Variants in POLR3E observed in about 807,000 individuals in gnomAD.
POLR3E encodes DNA-directed RNA polymerase III subunit RPC5.
Under a neutral mutation model 96.6 loss-of-function variants are expected in POLR3E, and 41 were observed. The ratio of observed to expected loss-of-function variants is 0.42; its 90% CI spans 0.33 to 0.55. The LOEUF (loss-of-function observed/expected upper bound fraction) is 0.55, where lower values mean the gene tolerates loss of function less well. Ranked by LOEUF, POLR3E falls within the 20% of genes least tolerant of loss-of-function variation. The pLI is 0.06. For synonymous variants in POLR3E, 396 were observed against 383.6 expected (o/e 1.03, Z -0.38); for missense variants, 849 against 952.1 (o/e 0.89, Z 1.43).
At chr16:22,320,180 A>AT (rs889712060) in intron 13 of POLR3E, among the ~76,000 whole-genome samples, 6 of 152,006 alleles carry the variant, frequency 3.9e-5, no homozygotes, top group Non-Finnish European at 1.5e-5. Flanking sequence ...GTATATATAT[A>AT]TTTTTTTACC....
intron 1 of POLR3E, chr16:22,299,068 G>A (rs942418240): frequency 1.1e-5 from 5 of 456,078 alleles, no homozygotes; most frequent in Non-Finnish European, 2.2e-5. Flanking sequence ...ACCCACCAAG[G>A]AAAGAAAACA....
intron 8 of POLR3E, chr16:22,314,837 CGCCTGG>C: frequency 2.8e-6 from 1 of 351,884 alleles, no homozygotes; most frequent in Non-Finnish European, 5.3e-6. Flanking sequence ...CTGGCTCTGG[CGCCTGG>C]GACTCTAATC....
intron 13 of POLR3E, among the ~76,000 whole-genome samples, chr16:22,321,225 G>A (rs927937608): frequency 6.6e-6 from 1 of 152,140 alleles, no homozygotes; most frequent in African/African-American, 2.4e-5. Flanking sequence ...ATGTGGCTAC[G>A]TTTTACTTGA....
rs756881592 is a variant in POLR3E, at chr16:22,316,576, C to G, written c.643-25C>G. Reference sequence around the variant, plus strand: ...GCCAGGGCCATCAGCTGAGGCTCCTCTCACACCCTGCCCTCCTCCAACAGG... The same window carrying G: ...GCCAGGGCCATCAGCTGAGGCTCCTGTCACACCCTGCCCTCCTCCAACAGG... On this transcript the variant is annotated intron_variant, in intron 9 of 20. Transcript: ENST00000299853. The G allele has an allele frequency of 6.8e-5, 109 of 1,598,564 alleles. 2 individuals carry two copies. The South Asian group carries it at 1.2e-3, about 17-fold the overall frequency.
chr16:22,303,807 ATTTT>A (rs56737281), intron 2 of POLR3E, among the ~76,000 whole-genome samples: 1 of 110,792 alleles, frequency 9.0e-6, no homozygotes. Context: ...CGCCCGACTA[ATTTT>A]TTTTTTTTTT....
At chr16:22,325,459 C>T (rs935166577) in intron 17 of POLR3E, 193 bp downstream of exon 17, 21 of 622,622 alleles carry the variant, frequency 3.4e-5, no homozygotes, top group Middle Eastern at 4.3e-4. Context: ...GCCTCAGGGA[C>T]GGAGGCTTGC....
At chr16:22,302,335 T>A (rs1337906761) in intron 1 of POLR3E, 1 of 152,334 alleles carries the variant, frequency 6.6e-6, no homozygotes, top group African/African-American at 2.4e-5. Flanking sequence ...AGTTCCAGTC[T>A]GTTCATTATA....
Position 22,326,081 on chromosome 16 carries a change from C to A in POLR3E, c.1669C>A (p.Pro557Thr), listed in dbSNP as rs1228462761. 1 of 1,613,036 alleles carries A rather than the reference C, an allele frequency of 6.2e-7. No homozygotes were observed. The highest frequency in any genetic ancestry group is 1.3e-5 in the African/African-American group (1 of 74,914). The change falls in exon 18 of 21, where the codon CCT becomes ACT. Residue 557 changes from proline to threonine, a missense_variant. By Grantham distance (38) the Pro-to-Thr change is conservative. Coordinates refer to ENST00000299853, the MANE Select transcript of POLR3E (RefSeq NM_018119.4). ...CCCGCCCCAGGGCTGCGCCAGCACC[C>A]CTGTGGCTCGGGAACTGAAGGCCTT... The part of the protein sequence containing the change: ...GHPPQGCAST[P>T]VARELKAFVE...
Position 22,333,806 on chromosome 16 carries a change from G to GACC in POLR3E, c.*108_*110dup, listed in dbSNP as rs2048794070. The GACC allele has an allele frequency of 2.6e-6, 2 of 781,062 alleles. No individual in the cohort carries two copies. The highest frequency in any genetic ancestry group is 1.7e-5 in the African/African-American group (1 of 58,774). 48.4% of individuals were successfully genotyped at this position (781,062 alleles called of 1,614,324 possible). ...CAGACGACACAGAGCAAGAGGAACT[G>GACC]ACCATCTCATGACCTGTGGCATTGC... is the stretch of plus-strand genomic sequence containing the variant. On this transcript the variant is annotated 3_prime_UTR_variant, in exon 21 of 21. Transcript: ENST00000299853.
rs764660130 is a variant in POLR3E at position 22,325,892 on chromosome 16, G to A, written c.1480G>A (p.Gly494Ser). 37 of 1,608,042 alleles carry A rather than the reference G, an allele frequency of 2.3e-5. No homozygotes were observed. In the African/African-American group the frequency reaches 3.3e-4, roughly 15 times the overall value. Residue 494 changes from glycine (G) to serine (S), a missense_variant, in exon 18 of 21, where the codon GGT becomes AGT. Coordinates refer to ENST00000299853, the MANE Select transcript of POLR3E (RefSeq NM_018119.4). ...EQLRVPAVPP[G>S]VRIKEEPVSE... ...GCTGCGGGTGCCTGCGGTCCCGCCC[G>A]GTGTGCGGATCAAGGAGGAGCCCGT...
At position 22,315,113 on chromosome 16, in the gene POLR3E, G is replaced by A; in HGVS notation, c.547G>A (p.Glu183Lys). The A allele has an allele frequency of 6.2e-7, 1 of 1,613,498 alleles. No homozygotes were observed. The highest frequency in any genetic ancestry group is 8.5e-7 in the Non-Finnish European group (1 of 1,179,882). Residue 183 changes from glutamate to lysine, a missense_variant, in exon 9 of 21, where the codon GAG (glutamate) becomes AAG (lysine). Coordinates refer to ENST00000299853, the MANE Select transcript of POLR3E (RefSeq NM_018119.4). Reference protein sequence around the residue: ...ITVRFSRPESEQARQRRVQSY... With the variant: ...ITVRFSRPESKQARQRRVQSY... ...GGTGCGGTTCTCCCGGCCGGAGTCA[G>A]AGCAGGCCCGCCAGCGCCGTGTGCA...
Position 22,318,010 on chromosome 16 carries a change from G to C in POLR3E, c.865+804G>C, listed in dbSNP as rs962006176. Reference sequence around the variant, plus strand: ...AGAACCTGGGCTCGTCCTTTGAGATGCCACCATGAGCTCTTAGGAGTCTAA... The same window carrying C: ...AGAACCTGGGCTCGTCCTTTGAGATCCCACCATGAGCTCTTAGGAGTCTAA... On this transcript the variant is annotated intron_variant, in intron 12 of 20. Coordinates refer to ENST00000299853, the MANE Select transcript of POLR3E (RefSeq NM_018119.4). The surrounding 1 kb of genome is among the most constrained non-coding windows in gnomAD (Gnocchi z 5.0). 6.6e-6 allele frequency among the ~76,000 whole-genome samples: 1 copy of C among 152,056 alleles called. No individual in the cohort carries two copies. The highest frequency in any genetic ancestry group is 2.4e-5 in the African/African-American group (1 of 41,388).
intron 14 of POLR3E, 78 bp downstream of exon 14, chr16:22,323,009 G>T: frequency 1.0e-6 from 1 of 979,510 alleles, no homozygotes; most frequent in Admixed American, 2.0e-5. Flanking sequence ...TCTGAAGACC[G>T]GGGCCCGGCA....
chr16:22,327,280 G>C (rs2048618497), intron 18 of POLR3E: 1 of 152,368 alleles, frequency 6.6e-6, no homozygotes, highest in Admixed American at 6.5e-5. Context: ...AGCCTAGGCT[G>C]TCTCAGGGGA....
intron 4 of POLR3E, among the ~76,000 whole-genome samples, chr16:22,308,709 G>A (rs568676881): frequency 6.6e-6 from 1 of 152,200 alleles, no homozygotes; most frequent in South Asian, 2.1e-4. Flanking sequence ...GGACAAACAA[G>A]ATTACAGGAC....
At chr16:22,305,505 T>C (rs755867573) in intron 3 of POLR3E, 74 of 616,198 alleles carry the variant, frequency 1.2e-4, no homozygotes, top group Non-Finnish European at 1.9e-4. Flanking sequence ...GCAAGTTTCT[T>C]AATCCTTCTG....
rs775721536 is a variant in POLR3E at position 22,316,597 on chromosome 16, A to G, written c.643-4A>G. On this transcript the variant is annotated splice_polypyrimidine_tract_variant and splice_region_variant and intron_variant, in intron 9 of 20. Transcript: ENST00000299853. ...TCCTCTCACACCCTGCCCTCCTCCA[A>G]CAGGACAGTCGCTCTGAGCATGAGC... 6.2e-7 allele frequency: 1 copy of G among 1,613,028 alleles called. No homozygotes were observed. The highest frequency in any genetic ancestry group is 8.5e-7 in the Non-Finnish European group (1 of 1,179,118).
At chr16:22,307,557 C>T (rs904730912) in intron 3 of POLR3E, among the ~76,000 whole-genome samples, 8 of 152,172 alleles carry the variant, frequency 5.3e-5, no homozygotes, top group African/African-American at 1.9e-4. Flanking sequence ...GTGTTGAGCG[C>T]ATTGCTGTGT....
At chr16:22,309,657 A>C in intron 6 of POLR3E, 147 bp downstream of exon 6, 1 of 700,968 alleles carries the variant, frequency 1.4e-6, no homozygotes, top group Non-Finnish European at 2.6e-6. Flanking sequence ...AATAACAGAA[A>C]TGACACATTG....
Sources: allele counts gnomAD v4.1 joint callset (sites outside exome capture counted in the v4.1 genomes callset), GRCh38; gene constraint gnomAD v4.1.1; non-coding constraint Gnocchi (gnomAD v3.1); transcripts MANE v1.5; gene names NCBI Gene and HGNC (gene_info 2026-07-23, HGNC 2026-07-21).